Variants in SUCLG2 observed in about 807,000 individuals in gnomAD.
The protein encoded by SUCLG2 is succinate--CoA ligase [GDP-forming] subunit beta, mitochondrial.
Under a neutral mutation model 47.9 loss-of-function variants are expected in SUCLG2, and 42 were observed. The ratio of observed to expected loss-of-function variants is 0.88; its 90% CI spans 0.69 to 1.14. SUCLG2 has a LOEUF of 1.14. Among genes scored for constraint, SUCLG2 ranks in the 50% most tolerant of loss-of-function variants. SUCLG2 has a pLI of 0.00. For synonymous variants in SUCLG2, 195 were observed against 197.3 expected, an observed-to-expected ratio of 0.99 and a Z score of 0.10; for missense variants, 571 against 525.9, an observed-to-expected ratio of 1.09 and a Z score of -0.84.
chr3:67,394,081 G>A (rs568750481), intron 10 of SUCLG2, among the ~76,000 whole-genome samples: 123 of 152,212 alleles, frequency 8.1e-4, no homozygotes, highest in Admixed American at 1.4e-3. Flanking sequence ...AAAAAACAGA[G>A]CAGAAAAACT....
intron 2 of SUCLG2, among the ~76,000 whole-genome samples, chr3:67,567,634 G>A (rs1196051271): frequency 1.3e-5 from 2 of 152,028 alleles, no homozygotes; most frequent in East Asian, 1.9e-4. Context: ...AACTTTTTTG[G>A]CAACCACTAT....
chr3:67,628,397 T>A (rs1199342942), intron 1 of SUCLG2, among the ~76,000 whole-genome samples: 1 of 152,228 alleles, frequency 6.6e-6, no homozygotes, highest in African/African-American at 2.4e-5. Context: ...AATATTTTGA[T>A]ACACTATTTG....
intron 7 of SUCLG2, among the ~76,000 whole-genome samples, chr3:67,499,666 T>C (rs1705443949): frequency 6.6e-6 from 1 of 152,088 alleles, no homozygotes; most frequent in African/African-American, 2.4e-5. Flanking sequence ...TTATCTCTCT[T>C]AGTGTAGAAA....
intron 9 of SUCLG2, among the ~76,000 whole-genome samples, chr3:67,493,815 G>A (rs968103391): frequency 6.6e-6 from 1 of 152,198 alleles, no homozygotes; most frequent in Non-Finnish European, 1.5e-5. Flanking sequence ...AAAGCAGTAG[G>A]AAGAAAGAAT....
At chr3:67,461,603 C>T (rs1466889584) in intron 9 of SUCLG2, among the ~76,000 whole-genome samples, 1 of 151,752 alleles carries the variant, frequency 6.6e-6, no homozygotes, top group East Asian at 2.0e-4. Context: ...GGTCCCCAAC[C>T]TGGAAACTAG....
chr3:67,562,720 T>C (rs1707339548), intron 2 of SUCLG2, among the ~76,000 whole-genome samples: 2 of 152,240 alleles, frequency 1.3e-5, no homozygotes, highest in African/African-American at 2.4e-5. Context: ...ACAACCACTC[T>C]GGTCACCTCA....
At chr3:67,496,642 G>A (rs534726895) in intron 8 of SUCLG2, among the ~76,000 whole-genome samples, 22 of 152,110 alleles carry the variant, frequency 1.4e-4, no homozygotes, top group Non-Finnish European at 2.9e-4. Context: ...GTTAAAACTG[G>A]AACCAAAATG....
At chr3:67,560,658 C>G (rs1707285368) in intron 2 of SUCLG2, among the ~76,000 whole-genome samples, 1 of 152,118 alleles carries the variant, frequency 6.6e-6, no homozygotes, top group African/African-American at 2.4e-5. Context: ...CTAAATGGTT[C>G]TCTTCACTAT....
intron 9 of SUCLG2, among the ~76,000 whole-genome samples, chr3:67,457,251 T>C (rs1012150027): frequency 6.6e-6 from 1 of 152,198 alleles, no homozygotes; most frequent in Non-Finnish European, 1.5e-5. Context: ...CAGCATTAAA[T>C]GTATCCGGAA....
chr3:67,565,846 A>G (rs2107225808), intron 2 of SUCLG2, among the ~76,000 whole-genome samples: 1 of 152,340 alleles, frequency 6.6e-6, no homozygotes, highest in East Asian at 1.9e-4. Context: ...TGAACACTAC[A>G]CGGCAGCTGT....
intron 2 of SUCLG2, among the ~76,000 whole-genome samples, chr3:67,575,725 G>T (rs1007041810): frequency 1.3e-5 from 2 of 152,166 alleles, no homozygotes; most frequent in Non-Finnish European, 2.9e-5. Flanking sequence ...AAAAAAGAAA[G>T]CTAGCCAACA....
chr3:67,583,823 A>G lies in SUCLG2; in HGVS notation c.226+25632T>C, dbSNP rs565098126. ...GCTTCAAATGTCTTTGATTTCTGCT[A>G]TACCTCTCTAAACTTCTCTTCTGAC... is the stretch of plus-strand genomic sequence containing the variant. On this transcript the variant is annotated intron_variant, in intron 2 of 10. Coordinates refer to ENST00000307227, the MANE Select transcript of SUCLG2 (RefSeq NM_003848.4). Among the ~76,000 whole-genome samples the G allele has an allele frequency of 1.1e-4, 16 of 152,296 alleles. 1 individual carries two copies. In the South Asian group the frequency reaches 3.3e-3, roughly 32 times the overall value.
At chr3:67,362,519 T>G (rs766630276) in intron 10 of SUCLG2, among the ~76,000 whole-genome samples, 36 of 152,136 alleles carry the variant, frequency 2.4e-4, no homozygotes, top group Non-Finnish European at 3.1e-4. Flanking sequence ...TCTAATTTTT[T>G]TGTGTGTGTG....
chr3:67,434,858 G>C (rs1435684709), intron 9 of SUCLG2, among the ~76,000 whole-genome samples: 1 of 152,130 alleles, frequency 6.6e-6, no homozygotes. Flanking sequence ...GCACCCAAAA[G>C]GGCTGGGTCA....
chr3:67,400,072 A>G (rs531164256), intron 10 of SUCLG2, among the ~76,000 whole-genome samples: 3 of 152,140 alleles, frequency 2.0e-5, no homozygotes, highest in Non-Finnish European at 4.4e-5. Flanking sequence ...TGAAAAACAC[A>G]TATGTCTGTG....
At chr3:67,557,093 C>A (rs753987442) in intron 2 of SUCLG2, among the ~76,000 whole-genome samples, 1 of 152,200 alleles carries the variant, frequency 6.6e-6, no homozygotes, top group East Asian at 1.9e-4. Context: ...AATCTCCCAA[C>A]TAGAATTCTA....
chr3:67,552,971 C>T (rs77504312), intron 2 of SUCLG2, among the ~76,000 whole-genome samples: 534 of 152,318 alleles, frequency 3.5e-3, no homozygotes, highest in Non-Finnish European at 5.7e-3. Context: ...TGTATTACTT[C>T]TAATCCACCC....
At chr3:67,607,673 C>T (rs545679231) in intron 2 of SUCLG2, among the ~76,000 whole-genome samples, 156 of 152,240 alleles carry the variant, frequency 1.0e-3, no homozygotes, top group African/African-American at 3.2e-3. Flanking sequence ...TGGCTGTCCC[C>T]ACCCAAATCT....
At chr3:67,604,385 C>T (rs1403266897) in intron 2 of SUCLG2, among the ~76,000 whole-genome samples, 1 of 152,174 alleles carries the variant, frequency 6.6e-6, no homozygotes, top group Non-Finnish European at 1.5e-5. Context: ...TGCTGACCCA[C>T]ACATAAAAAT....
Sources: allele counts gnomAD v4.1 joint callset (sites outside exome capture counted in the v4.1 genomes callset), GRCh38; gene constraint gnomAD v4.1.1; transcripts MANE v1.5; gene names NCBI Gene and HGNC (gene_info 2026-07-23, HGNC 2026-07-21).